LRMDA: variants seen among roughly 807,000 people sequenced by gnomAD.
LRMDA encodes the protein leucine-rich melanocyte differentiation-associated protein.
In LRMDA, 18 loss-of-function variants were observed where a neutral mutation model predicts 29.8. That is an observed-to-expected ratio of 0.60 (90% CI 0.42 to 0.90). LRMDA has a LOEUF of 0.90. Ranked by LOEUF, LRMDA falls within the 40% of genes least tolerant of loss-of-function variation. LRMDA has a pLI of 0.00. For missense variants in LRMDA, 273 were observed against 273.9 expected (o/e 1.00, Z 0.02); for synonymous variants, 125 against 109.4 (o/e 1.14, Z -0.89).
chr10:76,533,109 A>C (rs1057321544), intron 6 of LRMDA, among the ~76,000 whole-genome samples: 3 of 152,044 alleles, frequency 2.0e-5, no homozygotes, highest in African/African-American at 7.2e-5. Context: ...TTCCAGTAAC[A>C]AAACAAAAAT....
At chr10:75,731,546 G>T (rs1450734279) in intron 2 of LRMDA, among the ~76,000 whole-genome samples, 4 of 152,194 alleles carry the variant, frequency 2.6e-5, no homozygotes, top group African/African-American at 7.2e-5. Flanking sequence ...TGAGATTAGG[G>T]AGCCCAGAGT....
At chr10:76,362,936 A>G (rs1841328993) in intron 6 of LRMDA, among the ~76,000 whole-genome samples, 1 of 151,420 alleles carries the variant, frequency 6.6e-6, no homozygotes, top group East Asian at 1.9e-4. Context: ...TTACCAGCAG[A>G]CAGAGCTCCT....
intron 6 of LRMDA, among the ~76,000 whole-genome samples, chr10:76,352,593 T>C (rs1841191008): frequency 1.3e-5 from 2 of 152,012 alleles, no homozygotes; most frequent in Admixed American, 6.6e-5. Context: ...AACTTATGGA[T>C]TGTTGATTTC....
rs1403766561 is a variant in LRMDA at position 75,751,222 on chromosome 10, G to GGA, written c.132-284783_132-284782dup. ...CCCAGGCACTCGGCAGGCTGAGGCA[G>GGA]GAGAATCAGGCAGGGAGGTTGCAGT... On this transcript the variant is annotated intron_variant, in intron 2 of 6. Coordinates refer to ENST00000611255, the MANE Select transcript of LRMDA (RefSeq NM_001305581.2). Among the ~76,000 whole-genome samples the GGA allele has an allele frequency of 2.6e-5, 4 of 152,264 alleles. No individual in the cohort carries two copies. The East Asian group carries it at 7.8e-4, about 30-fold the overall frequency.
At chr10:76,370,871 A>C (rs1398590762) in intron 6 of LRMDA, among the ~76,000 whole-genome samples, 2 of 152,182 alleles carry the variant, frequency 1.3e-5, no homozygotes, top group Admixed American at 6.5e-5. Flanking sequence ...GTCTGTCTAT[A>C]GGGTTCAGTA....
rs144983996 is a variant in LRMDA at position 76,338,176 on chromosome 10, A to G, written c.601+13691A>G. ...AGATTTCCTGCAAGATCACAGCCCAAAACAAATGCAACAGAGTTTCAAAAT... is the reference window on the plus strand; with the variant it reads ...AGATTTCCTGCAAGATCACAGCCCAGAACAAATGCAACAGAGTTTCAAAAT... On this transcript the variant is annotated intron_variant, in intron 6 of 6. Transcript: ENST00000611255. 2.4e-4 allele frequency among the ~76,000 whole-genome samples: 37 copies of G among 152,192 alleles called. No individual in the cohort carries two copies. In the East Asian group the frequency reaches 7.2e-3, roughly 29 times the overall value.
chr10:75,980,308 G>T (rs1384861544), intron 2 of LRMDA, among the ~76,000 whole-genome samples: 1 of 152,196 alleles, frequency 6.6e-6, no homozygotes, highest in Non-Finnish European at 1.5e-5. Flanking sequence ...ACTGGTGAGT[G>T]ATCAGTCAAG....
At chr10:76,061,399 A>G (rs930341229) in intron 5 of LRMDA, among the ~76,000 whole-genome samples, 1 of 152,236 alleles carries the variant, frequency 6.6e-6, no homozygotes, top group African/African-American at 2.4e-5. Flanking sequence ...AGAGAGGAGC[A>G]GAAAAAATAA....
intron 2 of LRMDA, among the ~76,000 whole-genome samples, chr10:75,689,128 G>A (rs1174889441): frequency 1.3e-5 from 2 of 152,132 alleles, no homozygotes; most frequent in East Asian, 3.8e-4. Context: ...AGGTATGCCT[G>A]TAATAGAAAA....
chr10:76,494,153 G>T (rs1475706125), intron 6 of LRMDA, among the ~76,000 whole-genome samples: 3 of 151,798 alleles, frequency 2.0e-5, no homozygotes, highest in Non-Finnish European at 2.9e-5. Flanking sequence ...AATGTAGTTG[G>T]ACTGTTATTG....
At chr10:76,013,348 C>T (rs543517432) in intron 2 of LRMDA, among the ~76,000 whole-genome samples, 1 of 150,194 alleles carries the variant, frequency 6.7e-6, no homozygotes, top group Non-Finnish European at 1.5e-5. Flanking sequence ...GAGGAAGGGT[C>T]ATTTTTCTCC....
At chr10:76,379,161 TTGTG>T (rs57245101) in intron 6 of LRMDA, among the ~76,000 whole-genome samples, 2,439 of 137,872 alleles carry the variant, frequency 0.018, 48 homozygotes, top group African/African-American at 0.051. Flanking sequence ...CTGGCCTTCT[TTGTG>T]TGTGTGTGTG....
At chr10:76,551,634 C>A (rs1284760669) in intron 6 of LRMDA, among the ~76,000 whole-genome samples, 1 of 152,110 alleles carries the variant, frequency 6.6e-6, no homozygotes, top group Non-Finnish European at 1.5e-5. Flanking sequence ...TTTCAACTTA[C>A]AATAGGTTTA....
chr10:76,406,186 T>G (rs1841899751), intron 6 of LRMDA, among the ~76,000 whole-genome samples: 1 of 152,192 alleles, frequency 6.6e-6, no homozygotes, highest in Non-Finnish European at 1.5e-5. Context: ...AAAGGGTGGC[T>G]GTGCACAAGT....
chr10:76,056,782 A>G (rs1004232977), intron 4 of LRMDA, among the ~76,000 whole-genome samples: 2 of 152,018 alleles, frequency 1.3e-5, no homozygotes, highest in African/African-American at 4.8e-5. Context: ...GGGCTTCCCA[A>G]GCCCCCAAGA....
chr10:75,444,956 C>G (rs891402081), intron 2 of LRMDA, among the ~76,000 whole-genome samples: 1 of 152,196 alleles, frequency 6.6e-6, no homozygotes, highest in African/African-American at 2.4e-5. Flanking sequence ...CAGGGTCTCA[C>G]TCTGTCACCC....
chr10:76,061,978 C>T (rs144470623), intron 5 of LRMDA, among the ~76,000 whole-genome samples: 47 of 152,250 alleles, frequency 3.1e-4, no homozygotes, highest in African/African-American at 9.9e-4. Flanking sequence ...CACCTGTTCA[C>T]GGTGTGTACA....
At chr10:75,911,615 G>A (rs1845844482) in intron 2 of LRMDA, among the ~76,000 whole-genome samples, 2 of 152,182 alleles carry the variant, frequency 1.3e-5, no homozygotes, top group African/African-American at 4.8e-5. Flanking sequence ...AATAAGATAG[G>A]AATTCAATTC....
chr10:75,965,253 T>C (rs1846838011), intron 2 of LRMDA, among the ~76,000 whole-genome samples: 2 of 152,224 alleles, frequency 1.3e-5, no homozygotes, highest in Non-Finnish European at 1.5e-5. Context: ...CTGTCAAATA[T>C]TAATTATTGT....
Sources: allele counts gnomAD v4.1 joint callset (sites outside exome capture counted in the v4.1 genomes callset), GRCh38; gene constraint gnomAD v4.1.1; transcripts MANE v1.5; gene names NCBI Gene and HGNC (gene_info 2026-07-23, HGNC 2026-07-21).